The following ROBO1 variants were observed in gnomAD, a reference collection of about 807,000 sequenced individuals.
The protein encoded by ROBO1 is roundabout homolog 1.
ROBO1 carries 149 observed loss-of-function variants against 195.9 expected under a neutral mutation model. That is an observed-to-expected ratio of 0.76 (90% CI 0.67 to 0.87). The LOEUF is 0.87. ROBO1 is among the 40% of genes least tolerant of loss of function. The probability of loss-of-function intolerance (pLI) is 0.00; values close to 1 mark genes in which losing one functional copy is unlikely to be tolerated. For synonymous variants in ROBO1, 816 were observed against 733.2 expected, an observed-to-expected ratio of 1.11 and a Z score of -1.82; for missense variants, 1,933 against 2,068.3, an observed-to-expected ratio of 0.93 and a Z score of 1.27.
intron 4 of ROBO1, among the ~76,000 whole-genome samples, chr3:78,815,561 A>G (rs895982685): frequency 7.9e-5 from 12 of 152,156 alleles, no homozygotes; most frequent in African/African-American, 2.4e-4. Flanking sequence ...TCAGAAGAAA[A>G]GTGGGAAGCT....
intron 4 of ROBO1, among the ~76,000 whole-genome samples, chr3:78,751,771 C>A (rs79050611): frequency 0.035 from 5,309 of 152,122 alleles, 126 homozygotes; most frequent in Non-Finnish European, 0.054. Flanking sequence ...TTATTCATAA[C>A]ACATATGATG....
At chr3:79,321,449 T>A (rs867810747) in intron 2 of ROBO1, among the ~76,000 whole-genome samples, 2 of 152,224 alleles carry the variant, frequency 1.3e-5, no homozygotes, top group South Asian at 4.1e-4. Context: ...TTTGCTTAGA[T>A]AACTTATTAG....
At chr3:79,341,781 T>C (rs2034917398) in intron 2 of ROBO1, among the ~76,000 whole-genome samples, 1 of 152,224 alleles carries the variant, frequency 6.6e-6, no homozygotes, top group Non-Finnish European at 1.5e-5. Flanking sequence ...AATAGAATTA[T>C]TAGAGTAAAT....
chr3:78,933,413 C>T (rs191302271), intron 4 of ROBO1, among the ~76,000 whole-genome samples: 1 of 152,134 alleles, frequency 6.6e-6, no homozygotes, highest in Admixed American at 6.5e-5. Flanking sequence ...AATGTATATC[C>T]AAATACTTCT....
Position 78,627,845 on chromosome 3 carries a change from C to T in ROBO1, c.3627-276G>A, listed in dbSNP as rs192983955. 3.9e-5 allele frequency among the ~76,000 whole-genome samples: 6 copies of T among 152,206 alleles called. No individual in the cohort carries two copies. In the East Asian group the frequency reaches 1.2e-3, roughly 29 times the overall value. On this transcript the variant is annotated intron_variant, in intron 25 of 30. Transcript: ENST00000464233. ...CTTAACATGGCTTAATTTAGTACAG[C>T]CCAAATGTATTTGGTATATTTTGTC...
rs764366548 is a variant in ROBO1, at chr3:78,714,428, T to C, written c.1014A>G (p.Lys338=). ...YTCVAENMVG[K]AEASATLTVQ... ...CAGTCAGAGTAGCAGATGCTTCAGCTTTGCCCACCATATTTTCTGCAACAC... is the reference window on the plus strand; with the variant it reads ...CAGTCAGAGTAGCAGATGCTTCAGCCTTGCCCACCATATTTTCTGCAACAC... Residue 338 remains lysine (K), a synonymous_variant, in exon 8 of 31, where the codon AAA becomes AAG. Coordinates refer to ENST00000464233, the MANE Select transcript of ROBO1 (RefSeq NM_002941.4). 1 of 1,613,344 alleles carries C rather than the reference T, an allele frequency of 6.2e-7. No individual in the cohort carries two copies. Among genetic ancestry groups the C allele is most frequent in the Non-Finnish European group, 8.5e-7 (1 of 1,179,554 alleles).
chr3:78,873,220 T>A (rs2035647447), intron 4 of ROBO1, among the ~76,000 whole-genome samples: 1 of 152,180 alleles, frequency 6.6e-6, no homozygotes, highest in African/African-American at 2.4e-5. Context: ...TACTTCCTAC[T>A]TTTCTTTCCT....
intron 4 of ROBO1, among the ~76,000 whole-genome samples, chr3:78,793,664 A>G (rs990738041): frequency 2.0e-5 from 3 of 152,206 alleles, no homozygotes; most frequent in Admixed American, 1.3e-4. Flanking sequence ...ACGGACATCA[A>G]ATAGAGTCTA....
At chr3:79,625,210 T>C (rs9825943) in intron 1 of ROBO1, among the ~76,000 whole-genome samples, 137,745 of 151,534 alleles carry the variant, frequency 0.91, 62,781 homozygotes, top group African/African-American at 0.97. Flanking sequence ...GTATTAAGGG[T>C]GAAATTTATA....
chr3:79,096,375 G>A (rs545218906), intron 3 of ROBO1, among the ~76,000 whole-genome samples: 1 of 151,948 alleles, frequency 6.6e-6, no homozygotes, highest in Admixed American at 6.6e-5. Flanking sequence ...AATAAATAGA[G>A]ATGACAAGAA....
intron 28 of ROBO1, among the ~76,000 whole-genome samples, chr3:78,608,403 G>A (rs925542140): frequency 2.3e-4 from 35 of 152,080 alleles, no homozygotes; most frequent in Admixed American, 3.9e-4. Flanking sequence ...ACCACACCCA[G>A]CCTATAATTC....
intron 1 of ROBO1, among the ~76,000 whole-genome samples, chr3:79,671,344 G>T (rs1263182348): frequency 6.6e-6 from 1 of 151,770 alleles, no homozygotes; most frequent in Non-Finnish European, 1.5e-5. Context: ...ATGTAAGAGA[G>T]AATGAAAAAT....
At chr3:78,646,802 A>C (rs1354183621) in intron 20 of ROBO1, among the ~76,000 whole-genome samples, 1 of 152,022 alleles carries the variant, frequency 6.6e-6, no homozygotes, top group Non-Finnish European at 1.5e-5. Flanking sequence ...TAGATAATCA[A>C]AATATATTAT....
At chr3:79,519,022 G>A (rs1254572636) in intron 2 of ROBO1, among the ~76,000 whole-genome samples, 1 of 151,990 alleles carries the variant, frequency 6.6e-6, no homozygotes, top group Non-Finnish European at 1.5e-5. Context: ...GCATGCATTT[G>A]TCATTCATTT....
intron 1 of ROBO1, among the ~76,000 whole-genome samples, chr3:79,647,010 A>T (rs1257739876): frequency 6.6e-6 from 1 of 152,076 alleles, no homozygotes; most frequent in Admixed American, 6.6e-5. Context: ...TAGGGTGACT[A>T]TAGGTTACAA....
chr3:79,391,868 T>C (rs1159715106), intron 2 of ROBO1, among the ~76,000 whole-genome samples: 1 of 152,102 alleles, frequency 6.6e-6, no homozygotes. Context: ...TAAGATGAAA[T>C]CAACAGTCAA....
intron 3 of ROBO1, among the ~76,000 whole-genome samples, chr3:79,073,876 G>A (rs1211753838): frequency 3.3e-5 from 5 of 150,744 alleles, no homozygotes; most frequent in African/African-American, 7.3e-5. Flanking sequence ...TGCTGCAAGC[G>A]CTATTTTGCC....
At chr3:79,119,772 T>A (rs1208087638) in intron 3 of ROBO1, among the ~76,000 whole-genome samples, 1 of 151,894 alleles carries the variant, frequency 6.6e-6, no homozygotes, top group East Asian at 1.9e-4. Context: ...TTCATGGATT[T>A]TTTTTTTTTT....
intron 4 of ROBO1, among the ~76,000 whole-genome samples, chr3:78,914,633 A>G (rs1402376561): frequency 6.6e-6 from 1 of 150,500 alleles, no homozygotes; most frequent in African/African-American, 2.4e-5. Flanking sequence ...TTTCTGAACA[A>G]GAGCTTTGAA....
Sources: gnomAD v4.1 joint callset for allele counts (sites outside exome capture counted in the v4.1 genomes callset) on GRCh38, gnomAD v4.1.1 for gene constraint, MANE v1.5 for transcripts, NCBI Gene and HGNC (gene_info 2026-07-23, HGNC 2026-07-21) for gene names.